DPP6: variants seen among roughly 807,000 people sequenced by gnomAD.
DPP6 encodes dipeptidyl peptidase like 6.
DPP6 carries 69 observed loss-of-function variants against 122.6 expected under a neutral mutation model. That is an observed-to-expected ratio of 0.56 (90% CI 0.46 to 0.69). The LOEUF is 0.69. Ranked by LOEUF, DPP6 falls within the 30% of genes least tolerant of loss-of-function variation. DPP6 has a pLI of 0.00. For synonymous variants in DPP6, 418 were observed against 433.1 expected (o/e 0.97, Z 0.43); for missense variants, 928 against 1,116.9 (o/e 0.83, Z 2.41).
intron 1 of DPP6, among the ~76,000 whole-genome samples, chr7:154,232,198 G>A (rs1800958351): frequency 6.6e-6 from 1 of 152,152 alleles, no homozygotes. Flanking sequence ...TATCTAACAG[G>A]CAGGCATGCT....
At position 154,755,736 on chromosome 7, in the gene DPP6, T is replaced by C. The variant is rs1036336460; in HGVS notation, c.884-13681T>C. On this transcript the variant is annotated intron_variant, in intron 8 of 25. Coordinates refer to ENST00000377770, the MANE Select transcript of DPP6 (RefSeq NM_130797.4). This position sits in a 1 kb window ranked among gnomAD's most constrained non-coding sequence, Gnocchi z 4.7. ...ATAAAAATAAAAGCCACACACACAT[T>C]TTCCCTGTAAATCTTGATAGGAAGA... Among the ~76,000 whole-genome samples, 1 of 152,184 alleles carries C rather than the reference T, an allele frequency of 6.6e-6. No individual in the cohort carries two copies. The highest frequency in any genetic ancestry group is 2.4e-5 in the African/African-American group (1 of 41,452).
chr7:154,281,868 A>G (rs1221835817), intron 1 of DPP6, among the ~76,000 whole-genome samples: 2 of 152,194 alleles, frequency 1.3e-5, no homozygotes, highest in Non-Finnish European at 2.9e-5. Context: ...CTACCTGAGA[A>G]AGATACAAAC....
intron 6 of DPP6, among the ~76,000 whole-genome samples, chr7:154,644,144 G>A (rs898715553): frequency 2.6e-5 from 4 of 152,134 alleles, no homozygotes; most frequent in African/African-American, 4.8e-5. Flanking sequence ...GCAACCTTTT[G>A]GAGCAGAAGA....
At chr7:153,958,778 C>T (rs1269326913) in intron 1 of DPP6, among the ~76,000 whole-genome samples, 1 of 152,104 alleles carries the variant, frequency 6.6e-6, no homozygotes, top group Non-Finnish European at 1.5e-5. Flanking sequence ...CTATTTCTCC[C>T]TGAACATCTG....
At chr7:154,445,665 G>C (rs1819800557) in intron 1 of DPP6, among the ~76,000 whole-genome samples, 2 of 151,968 alleles carry the variant, frequency 1.3e-5, no homozygotes, top group Non-Finnish European at 2.9e-5. Context: ...ATGGAAAAAA[G>C]AAAAGCCTGA....
intron 1 of DPP6, among the ~76,000 whole-genome samples, chr7:154,083,863 A>C (rs62485626): frequency 0.2 from 27,778 of 139,732 alleles, 3,643 homozygotes; most frequent in African/African-American, 0.33. Context: ...TTCCTGAATC[A>C]CAGGTATTGA....
intron 5 of DPP6, among the ~76,000 whole-genome samples, chr7:154,600,948 A>G (rs1833388099): frequency 8.4e-6 from 1 of 119,432 alleles, no homozygotes; most frequent in African/African-American, 2.7e-5. Context: ...AAAATTTGCC[A>G]GGCGTGGTGG....
At chr7:154,698,612 A>G (rs1330385995) in intron 7 of DPP6, among the ~76,000 whole-genome samples, 2 of 152,244 alleles carry the variant, frequency 1.3e-5, no homozygotes, top group African/African-American at 4.8e-5. Flanking sequence ...AATTAAATTC[A>G]CATATATTTA....
rs768536464 is a variant in DPP6 at position 154,892,331 on chromosome 7, C to T, written c.2452-3C>T. 7 of 1,614,016 alleles carry T rather than the reference C, an allele frequency of 4.3e-6. No homozygotes were observed. Among genetic ancestry groups the T allele is most frequent in the Non-Finnish European group, 5.9e-6 (7 of 1,179,880 alleles). ...GAGTAATTTCTCCGTGCCTTCCTTG[C>T]AGATTTACCCGGACGAAAGCCATTA... On this transcript the variant is annotated splice_region_variant and splice_polypyrimidine_tract_variant and intron_variant, in intron 25 of 25. Transcript: ENST00000377770.
chr7:154,752,759 T>C (rs1329500995), intron 8 of DPP6, among the ~76,000 whole-genome samples: 1 of 152,182 alleles, frequency 6.6e-6, no homozygotes, highest in Non-Finnish European at 1.5e-5. Flanking sequence ...AGGATGTGGA[T>C]GGCACAGACT....
intron 1 of DPP6, among the ~76,000 whole-genome samples, chr7:154,126,491 C>G (rs1231617296): frequency 6.6e-6 from 1 of 151,582 alleles, no homozygotes; most frequent in Non-Finnish European, 1.5e-5. Context: ...GTCGTTTTTC[C>G]TTACACAACA....
chr7:153,995,307 C>T (rs919270417), intron 1 of DPP6, among the ~76,000 whole-genome samples: 31 of 152,174 alleles, frequency 2.0e-4, no homozygotes, highest in Admixed American at 2.0e-3. Context: ...GAATGAAGGG[C>T]TGGGCGCGGT....
chr7:154,816,193 C>G (rs919286276), intron 16 of DPP6, among the ~76,000 whole-genome samples: 3 of 152,242 alleles, frequency 2.0e-5, no homozygotes, highest in South Asian at 2.1e-4. Flanking sequence ...GGCAGTCCCC[C>G]CTTATCCACA....
intron 10 of DPP6, among the ~76,000 whole-genome samples, chr7:154,792,202 C>T (rs947453458): frequency 2.0e-5 from 3 of 152,254 alleles, no homozygotes; most frequent in Non-Finnish European, 2.9e-5. Flanking sequence ...CCTGTGGCTT[C>T]GCCACTGCCC....
intron 20 of DPP6, among the ~76,000 whole-genome samples, chr7:154,879,601 A>C (rs1233731695): frequency 6.6e-6 from 1 of 150,618 alleles, no homozygotes; most frequent in Non-Finnish European, 1.5e-5. Flanking sequence ...AAAAAAAAAA[A>C]AAAAAAAAAC....
intron 16 of DPP6, among the ~76,000 whole-genome samples, chr7:154,846,907 G>GTAGA (rs1801986197): frequency 1.3e-5 from 2 of 152,144 alleles, no homozygotes; most frequent in Non-Finnish European, 2.9e-5. Flanking sequence ...GTCGATAGGT[G>GTAGA]TAGATCTACT....
chr7:154,647,901 G>C (rs1045544750), intron 6 of DPP6, among the ~76,000 whole-genome samples: 6 of 152,006 alleles, frequency 3.9e-5, no homozygotes, highest in African/African-American at 1.4e-4. Context: ...GTGTCTCCCT[G>C]GGTGGCCAAG....
intron 5 of DPP6, among the ~76,000 whole-genome samples, chr7:154,627,719 C>G (rs1264359073): frequency 2.0e-5 from 3 of 152,228 alleles, no homozygotes; most frequent in African/African-American, 4.8e-5. Flanking sequence ...TTACAGTTCA[C>G]TGGACCATCA....
rs1269416432 is a variant in DPP6 at position 154,602,560 on chromosome 7, G to C, written c.628-35261G>C. Among the ~76,000 whole-genome samples the C allele has an allele frequency of 1.7e-5, 2 of 116,554 alleles. 1 individual carries two copies. Among genetic ancestry groups the C allele is most frequent in the African/African-American group, 5.5e-5 (2 of 36,586 alleles). The allele number at this position is 116,554 out of a possible 152,430, so 76.5% of individuals were successfully genotyped here. On this transcript the variant is annotated intron_variant, in intron 5 of 25. Transcript: ENST00000377770. ...AGCCTCCCATTTCTCGAGTAGCTGG[G>C]ATTATAGGCACCCACCATCATGCCT... is the stretch of plus-strand genomic sequence containing the variant.
Sources: allele counts gnomAD v4.1 joint callset (sites outside exome capture counted in the v4.1 genomes callset), GRCh38; gene constraint gnomAD v4.1.1; non-coding constraint Gnocchi (gnomAD v3.1); transcripts MANE v1.5; gene names NCBI Gene and HGNC (gene_info 2026-07-23, HGNC 2026-07-21).